The following RNF14 variants were observed in gnomAD, a reference collection of about 807,000 sequenced individuals.
RNF14 encodes the protein E3 ubiquitin-protein ligase RNF14.
In RNF14, 26 loss-of-function variants were observed where a neutral mutation model predicts 52.6. The observed-to-expected ratio is 0.49, with a 90% confidence interval of 0.36 to 0.69. The LOEUF (loss-of-function observed/expected upper bound fraction) is 0.69. Among genes scored for constraint, RNF14 ranks in the 30% least tolerant of loss-of-function variants. The probability of loss-of-function intolerance (pLI) is 0.00; values close to 1 mark genes in which losing one functional copy is unlikely to be tolerated. For synonymous variants in RNF14, 194 were observed against 202.0 expected (o/e 0.96, Z 0.34); for missense variants, 404 against 560.4 (o/e 0.72, Z 2.82).
chr5:141,961,176 A>G (rs1753272366), intron 1 of RNF14, among the ~76,000 whole-genome samples: 1 of 152,090 alleles, frequency 6.6e-6, no homozygotes, highest in Non-Finnish European at 1.5e-5. Context: ...TTATCTATAT[A>G]TATTTTACAT....
At position 141,973,569 on chromosome 5, in the gene RNF14, T is replaced by A; in HGVS notation, c.-6-14T>A. 1.9e-6 allele frequency: 3 copies of A among 1,602,208 alleles called. No homozygotes were observed. The highest frequency in any genetic ancestry group is 2.6e-6 in the Non-Finnish European group (3 of 1,175,660). On this transcript the variant is annotated splice_polypyrimidine_tract_variant and intron_variant, in intron 2 of 8. Coordinates refer to ENST00000394520, the MANE Select transcript of RNF14 (RefSeq NM_004290.5). ...TGTGCATTTTCTGTTCTTAACTGAT[T>A]TTAATGTTTTCAGGTCCTTATGTCG...
rs1431961981 is a variant in RNF14, at chr5:141,980,085, G to A, written c.835-38G>A. On this transcript the variant is annotated intron_variant, in intron 5 of 8. Coordinates refer to ENST00000394520, the MANE Select transcript of RNF14 (RefSeq NM_004290.5). ...CGCCTCAGGTTCAGAACTGGTTGTG[G>A]AATCATCAAACCTATGGTGTTTTGT... 2.6e-6 allele frequency: 4 copies of A among 1,552,152 alleles called. No homozygotes were observed. The African/African-American group carries it at 5.4e-5, about 21-fold the overall frequency.
upstream of RNF14, among the ~76,000 whole-genome samples, chr5:141,964,677 G>A (rs909486074): frequency 7.2e-5 from 11 of 151,944 alleles, no homozygotes; most frequent in African/African-American, 2.7e-4. Context: ...GCAATGGTGC[G>A]ATCTGGGCTC....
At position 141,980,217 on chromosome 5, in the gene RNF14, C is replaced by G; in HGVS notation, c.929C>G (p.Pro310Arg). 6.2e-7 allele frequency: 1 copy of G among 1,614,204 alleles called. No homozygotes were observed. The highest frequency in any genetic ancestry group is 1.1e-5 in the South Asian group (1 of 91,086). Residue 310 changes from proline (P) to arginine (R), a missense_variant, in exon 6 of 9, where the codon CCC becomes CGC. Coordinates refer to ENST00000394520, the MANE Select transcript of RNF14 (RefSeq NM_004290.5). Reference sequence around the variant, plus strand: ...CTGATGGCAGATGTGGTGTACTGCCCCCGGCCGTGCTGCCAGCTGCCTGTG... The same window carrying G: ...CTGATGGCAGATGTGGTGTACTGCCGCCGGCCGTGCTGCCAGCTGCCTGTG... ...LDLMADVVYCPRPCCQLPVMQ... is the reference protein window; with the variant it reads ...LDLMADVVYCRRPCCQLPVMQ...
intron 5 of RNF14, 112 bp from the exon 6 acceptor site, chr5:141,980,011 G>C (rs944378250): frequency 1.3e-6 from 1 of 791,466 alleles, no homozygotes; most frequent in South Asian, 1.6e-5. Flanking sequence ...AAGTGAAAGA[G>C]AGGTTTTAAT....
At position 141,978,731 on chromosome 5, in the gene RNF14, C is replaced by T; in HGVS notation, c.735C>T (p.Ala245=). Residue 245 remains alanine (A), a synonymous_variant, in exon 5 of 9, where the codon GCC becomes GCT. Transcript: ENST00000394520. ...AGTGCAGGCATGTGTACTGCAAAGCCTGTCTGAAGGACTACTTTGAAATCC... is the reference window on the plus strand; with the variant it reads ...AGTGCAGGCATGTGTACTGCAAAGCTTGTCTGAAGGACTACTTTGAAATCC... ...FLECRHVYCK[A]CLKDYFEIQI... 6.2e-7 allele frequency: 1 copy of T among 1,613,988 alleles called. No homozygotes were observed. The highest frequency in any genetic ancestry group is 8.5e-7 in the Non-Finnish European group (1 of 1,179,862).
At chr5:141,971,563 T>TTTTCTTTCTTTCTTTCTTTCTTTC (rs746341507) in intron 2 of RNF14, among the ~76,000 whole-genome samples, 5 of 55,072 alleles carry the variant, frequency 9.1e-5, no homozygotes, top group African/African-American at 3.3e-4. Flanking sequence ...GCTAATTTCT[T>TTTTCTTTCTTTCTTTCTTTCTTTC]TTTCTTTCTT....
At chr5:141,980,467 T>C (rs1288114401) in intron 6 of RNF14, 116 bp downstream of exon 6, 2 of 801,034 alleles carry the variant, frequency 2.5e-6, no homozygotes, top group African/African-American at 1.7e-5. Flanking sequence ...TTAGCAGATA[T>C]TTCTGTGTCA....
intron 4 of RNF14, among the ~76,000 whole-genome samples, chr5:141,976,339 A>G (rs76844050): frequency 9.3e-4 from 142 of 152,324 alleles, no homozygotes; most frequent in African/African-American, 3.3e-3. Flanking sequence ...ACACACGCAC[A>G]AAACAGGGAC....
chr5:141,984,841 T>C lies in RNF14; in HGVS notation c.1275T>C (p.Cys425=). 1 of 1,613,454 alleles carries C rather than the reference T, an allele frequency of 6.2e-7. No individual in the cohort carries two copies. The highest frequency in any genetic ancestry group is 8.5e-7 in the Non-Finnish European group (1 of 1,179,360). Reference sequence around the variant, plus strand: ...GTAACAAGATGACATGTACTGGCTGTATGCAATATTTCTGTTGGATTTGCA... The same window carrying C: ...GTAACAAGATGACATGTACTGGCTGCATGCAATATTTCTGTTGGATTTGCA... The part of the protein sequence containing the change: ...DGCNKMTCTG[C]MQYFCWICMG... Residue 425 remains cysteine, a synonymous_variant, in exon 8 of 9, where the codon TGT becomes TGC. Coordinates refer to ENST00000394520, the MANE Select transcript of RNF14 (RefSeq NM_004290.5).
At chr5:141,985,461 G>A (rs898385791) in intron 8 of RNF14, among the ~76,000 whole-genome samples, 1 of 152,104 alleles carries the variant, frequency 6.6e-6, no homozygotes, top group Non-Finnish European at 1.5e-5. Context: ...ACCAGAATCT[G>A]AACAAGTTCA....
In RNF14 at chr5:141,987,784, A is replaced by T; in HGVS notation, c.1419A>T (p.Glu473Asp). ...VDDDIWEDEV[E>D]D ...ACGATATTTGGGAAGATGAGGTAGA[A>T]GACTAGTTAACTACTGCTCAAGATA... Residue 473 changes from glutamate to aspartate, a missense_variant, in exon 9 of 9, where the codon GAA becomes GAT. Coordinates refer to ENST00000394520, the MANE Select transcript of RNF14 (RefSeq NM_004290.5). 1 of 1,613,332 alleles carries T rather than the reference A, an allele frequency of 6.2e-7. No individual in the cohort carries two copies. Among genetic ancestry groups the T allele is most frequent in the Non-Finnish European group, 8.5e-7 (1 of 1,179,884 alleles).
upstream of RNF14, among the ~76,000 whole-genome samples, chr5:141,966,643 A>T (rs1287447676): frequency 6.6e-6 from 1 of 152,190 alleles, no homozygotes; most frequent in Non-Finnish European, 1.5e-5. Flanking sequence ...TCAAAAACAA[A>T]ACTTATTAGA....
At chr5:141,982,653 A>G (rs1216839597) in intron 6 of RNF14, 1 of 152,260 alleles carries the variant, frequency 6.6e-6, no homozygotes, top group African/African-American at 2.4e-5. Context: ...AGTAGAAGCC[A>G]GATTGAAGAG....
the RNF14 span, among the ~76,000 whole-genome samples, chr5:141,950,418 C>G: frequency 6.6e-6 from 1 of 152,182 alleles, no homozygotes; most frequent in African/African-American, 2.4e-5. Context: ...GTGATAATGA[C>G]AACTAATGTT....
upstream of RNF14, among the ~76,000 whole-genome samples, chr5:141,968,469 G>A (rs189484582): frequency 6.6e-6 from 1 of 152,252 alleles, no homozygotes; most frequent in Admixed American, 6.5e-5. Flanking sequence ...GTTAATTTTT[G>A]CATATGGTGT....
At chr5:141,972,485 C>G (rs1398031563) in intron 2 of RNF14, among the ~76,000 whole-genome samples, 2 of 152,136 alleles carry the variant, frequency 1.3e-5, no homozygotes, top group Non-Finnish European at 2.9e-5. Context: ...TGTTAAGATT[C>G]TATAATGCAC....
Position 141,988,705 on chromosome 5 carries a change from T to G in RNF14, c.*915T>G, listed in dbSNP as rs1755437000. On this transcript the variant is annotated 3_prime_UTR_variant, in exon 9 of 9. Coordinates refer to ENST00000394520, the MANE Select transcript of RNF14 (RefSeq NM_004290.5). Reference sequence around the variant, plus strand: ...GAGAAAGCTTAATATATTCCCAAGCTGAATGTTCTTGAATTATATCTGCAT... The same window carrying G: ...GAGAAAGCTTAATATATTCCCAAGCGGAATGTTCTTGAATTATATCTGCAT... 6.6e-6 allele frequency: 1 copy of G among 152,340 alleles called. No individual in the cohort carries two copies. Among genetic ancestry groups the G allele is most frequent in the South Asian group, 2.1e-4 (1 of 4,830 alleles). 9.4% of individuals were successfully genotyped at this position (152,340 alleles called of 1,614,324 possible).
the RNF14 span, chr5:141,949,489 G>C: frequency 6.2e-7 from 1 of 1,614,152 alleles, no homozygotes; most frequent in Non-Finnish European, 8.5e-7. Flanking sequence ...TTCACAGAGA[G>C]GTCCTCTTCA....
Sources: gnomAD v4.1 joint callset for allele counts (sites outside exome capture counted in the v4.1 genomes callset) on GRCh38, gnomAD v4.1.1 for gene constraint, MANE v1.5 for transcripts, NCBI Gene and HGNC (gene_info 2026-07-23, HGNC 2026-07-21) for gene names.